The following LRMDA variants were observed in gnomAD, a reference collection of about 807,000 sequenced individuals.
The protein encoded by LRMDA is leucine rich melanocyte differentiation associated.
In LRMDA, 18 loss-of-function variants were observed where a neutral mutation model predicts 29.8. The observed-to-expected ratio is 0.60, with a 90% CI of 0.42 to 0.90. LRMDA has a LOEUF of 0.90. Among genes scored for constraint, LRMDA ranks in the 40% least tolerant of loss-of-function variants. The pLI is 0.00. For missense variants in LRMDA, 273 were observed against 273.9 expected (o/e 1.00, Z 0.02); for synonymous variants, 125 against 109.4 (o/e 1.14, Z -0.89).
At position 75,648,460 on chromosome 10, in the gene LRMDA, A is replaced by T. The variant is rs1841556788; in HGVS notation, c.131+209966A>T. Reference sequence around the variant, plus strand: ...TCGACTTTCTAAGTAGAGACTGTGCAGGGGGCTCTTATAGGAAATTTATTA... The same window carrying T: ...TCGACTTTCTAAGTAGAGACTGTGCTGGGGGCTCTTATAGGAAATTTATTA... On this transcript the variant is annotated intron_variant, in intron 2 of 6. Transcript: ENST00000611255. Among the ~76,000 whole-genome samples the T allele has an allele frequency of 2.0e-5, 3 of 152,176 alleles. No individual in the cohort carries two copies. In the South Asian group the frequency reaches 6.2e-4, roughly 32 times the overall value.
chr10:75,771,131 G>A (rs1843234957), intron 2 of LRMDA, among the ~76,000 whole-genome samples: 1 of 152,062 alleles, frequency 6.6e-6, no homozygotes, highest in African/African-American at 2.4e-5. Flanking sequence ...GCCTAGCTCT[G>A]GATTCACTGA....
At chr10:75,570,009 T>G (rs1264465185) in intron 2 of LRMDA, among the ~76,000 whole-genome samples, 1 of 152,184 alleles carries the variant, frequency 6.6e-6, no homozygotes, top group Non-Finnish European at 1.5e-5. Context: ...TGCTTTGGGG[T>G]GTACACAGTA....
At chr10:76,077,262 G>A (rs952219535) in intron 5 of LRMDA, among the ~76,000 whole-genome samples, 5 of 152,126 alleles carry the variant, frequency 3.3e-5, no homozygotes, top group African/African-American at 1.2e-4. Context: ...AGGTGATGGC[G>A]ACCAGACAGT....
intron 6 of LRMDA, among the ~76,000 whole-genome samples, chr10:76,402,679 A>G (rs1235460278): frequency 6.6e-6 from 1 of 152,068 alleles, no homozygotes; most frequent in East Asian, 1.9e-4. Flanking sequence ...CACCAACACC[A>G]TACTGGCCAT....
intron 6 of LRMDA, among the ~76,000 whole-genome samples, chr10:76,413,472 C>CCTGAGA (rs1841983907): frequency 6.6e-6 from 1 of 152,000 alleles, no homozygotes; most frequent in African/African-American, 2.4e-5. Flanking sequence ...AGGGGTAATC[C>CCTGAGA]CTTACAAAAC....
intron 2 of LRMDA, among the ~76,000 whole-genome samples, chr10:75,874,910 T>G (rs1845170723): frequency 6.6e-6 from 1 of 152,260 alleles, no homozygotes; most frequent in African/African-American, 2.4e-5. Context: ...TTTCTATCAA[T>G]TCAGTTCAGT....
chr10:75,445,508 C>T (rs1273690704), intron 2 of LRMDA, among the ~76,000 whole-genome samples: 1 of 152,212 alleles, frequency 6.6e-6, no homozygotes, highest in Non-Finnish European at 1.5e-5. Flanking sequence ...CAAATTCTTC[C>T]TTGAGCTTGC....
intron 6 of LRMDA, among the ~76,000 whole-genome samples, chr10:76,449,782 C>T (rs1842388223): frequency 6.6e-6 from 1 of 151,826 alleles, no homozygotes; most frequent in Non-Finnish European, 1.5e-5. Context: ...AATTCAAGTA[C>T]CAGTTTCTAA....
At chr10:75,567,747 C>T (rs1419415973) in intron 2 of LRMDA, among the ~76,000 whole-genome samples, 1 of 152,138 alleles carries the variant, frequency 6.6e-6, no homozygotes, top group Non-Finnish European at 1.5e-5. Flanking sequence ...CTGGAAAGGG[C>T]AGTTGAATCA....
At chr10:75,748,747 T>C (rs768614794) in intron 2 of LRMDA, among the ~76,000 whole-genome samples, 25 of 152,118 alleles carry the variant, frequency 1.6e-4, no homozygotes, top group Admixed American at 1.2e-3. Context: ...TTATAAAAAA[T>C]AGGACAGAAT....
chr10:75,742,583 T>A (rs1017177097), intron 2 of LRMDA, among the ~76,000 whole-genome samples: 5 of 152,304 alleles, frequency 3.3e-5, no homozygotes, highest in African/African-American at 1.2e-4. Flanking sequence ...TCACATGAAG[T>A]TCCTTTTTCT....
chr10:76,241,067 T>C (rs559212049), intron 5 of LRMDA, among the ~76,000 whole-genome samples: 3 of 151,954 alleles, frequency 2.0e-5, no homozygotes, highest in South Asian at 2.1e-4. Flanking sequence ...GTTATGAGAA[T>C]GCAAAGGTAT....
intron 2 of LRMDA, among the ~76,000 whole-genome samples, chr10:75,471,959 T>G (rs768828434): frequency 2.0e-5 from 3 of 152,074 alleles, no homozygotes; most frequent in Admixed American, 6.6e-5. Context: ...AAGACATACT[T>G]CTTTGCTGGG....
intron 2 of LRMDA, chr10:75,450,745 C>T (rs888551577): frequency 2.0e-5 from 3 of 152,184 alleles, no homozygotes; most frequent in Non-Finnish European, 2.9e-5. Flanking sequence ...AACTGTCAGG[C>T]CCAAACACAT....
At chr10:75,923,465 C>T (rs1325192138) in intron 2 of LRMDA, among the ~76,000 whole-genome samples, 6 of 152,274 alleles carry the variant, frequency 3.9e-5, no homozygotes, top group East Asian at 3.9e-4. Flanking sequence ...GGGAGAGGAA[C>T]TCCATAGGAG....
intron 2 of LRMDA, among the ~76,000 whole-genome samples, chr10:75,845,653 T>C (rs953170446): frequency 1.3e-5 from 2 of 152,206 alleles, no homozygotes; most frequent in African/African-American, 4.8e-5. Flanking sequence ...ACTCAGGCCA[T>C]CAATTGCACC....
chr10:75,439,169 C>T (rs983587771), intron 2 of LRMDA, among the ~76,000 whole-genome samples: 6 of 152,090 alleles, frequency 3.9e-5, no homozygotes, highest in South Asian at 2.1e-4. Context: ...TTATGCCTTG[C>T]GCCTGGTTTG....
chr10:76,223,110 C>T (rs533103402), intron 5 of LRMDA, among the ~76,000 whole-genome samples: 2 of 143,806 alleles, frequency 1.4e-5, no homozygotes, highest in East Asian at 2.2e-4. Context: ...ACTGTGGGGA[C>T]TGTTGTGGGG....
rs1369586150 is a variant in LRMDA at position 76,557,647 on chromosome 10, A to G, written c.*359A>G. 1 of 259,488 alleles carries G rather than the reference A, an allele frequency of 3.9e-6. No homozygotes were observed. The highest frequency in any genetic ancestry group is 2.2e-5 in the African/African-American group (1 of 45,120). The allele number at this position is 259,488 out of a possible 1,614,324, so 16.1% of individuals were successfully genotyped here. A position where few individuals can be genotyped will look rare whatever the true frequency, so the allele number is the denominator to read the frequency against. ...GGTCACACCTGGGGCCTCCCTGGAC[A>G]TGCTCAGTGGCTGCAGTCAAGTGAG... On this transcript the variant is annotated 3_prime_UTR_variant, in exon 7 of 7. Coordinates refer to ENST00000611255, the MANE Select transcript of LRMDA (RefSeq NM_001305581.2).
Sources: allele counts gnomAD v4.1 joint callset (sites outside exome capture counted in the v4.1 genomes callset), GRCh38; gene constraint gnomAD v4.1.1; transcripts MANE v1.5; gene names NCBI Gene and HGNC (gene_info 2026-07-23, HGNC 2026-07-21).